The following ASAP1 variants were observed in gnomAD, a reference collection of about 807,000 sequenced individuals.
ASAP1 encodes ArfGAP with SH3 domain, ankyrin repeat and PH domain 1.
Under a neutral mutation model 145.2 loss-of-function variants are expected in ASAP1, and 43 were observed. The observed-to-expected ratio is 0.30, with a 90% CI of 0.23 to 0.38. The LOEUF (loss-of-function observed/expected upper bound fraction) is 0.38, where lower values mean the gene tolerates loss of function less well. Ranked by LOEUF, ASAP1 falls within the 10% of genes least tolerant of loss-of-function variation. The probability of loss-of-function intolerance (pLI) is 1.00; values close to 1 mark genes in which losing one functional copy is unlikely to be tolerated. For synonymous variants in ASAP1, 546 were observed against 515.5 expected (o/e 1.06, Z -0.80); for missense variants, 1,018 against 1,355.3 (o/e 0.75, Z 3.91).
At chr8:130,133,688 CAA>C (rs138495590) in intron 15 of ASAP1, among the ~76,000 whole-genome samples, 1 of 137,724 alleles carries the variant, frequency 7.3e-6, no homozygotes, top group Non-Finnish European at 1.6e-5. Context: ...AACAAACAAA[CAA>C]AAAAAAAAAC....
intron 3 of ASAP1, among the ~76,000 whole-genome samples, chr8:130,286,847 A>G (rs576841563): frequency 3.3e-4 from 50 of 152,370 alleles, no homozygotes; most frequent in South Asian, 6.2e-4. Context: ...ATGAGAAGCA[A>G]AAGTTCACAC....
At position 130,315,279 on chromosome 8, in the gene ASAP1, A is replaced by G. The variant is rs562498753; in HGVS notation, c.186+42738T>C. On this transcript the variant is annotated intron_variant, in intron 3 of 29. Transcript: ENST00000518721. ...ACAAAACCAAAAAAAGTCTATGAAT[A>G]CTCCACAAACTGGTACATTCTTTGT... Among the ~76,000 whole-genome samples, 4 of 152,254 alleles carry G rather than the reference A, an allele frequency of 2.6e-5. No homozygotes were observed. In the East Asian group the frequency reaches 7.7e-4, roughly 29 times the overall value.
chr8:130,189,136 A>C (rs1814960459), intron 5 of ASAP1, among the ~76,000 whole-genome samples: 1 of 152,122 alleles, frequency 6.6e-6, no homozygotes. Flanking sequence ...GGTTTCCATC[A>C]CCTCAAGCAT....
chr8:130,159,008 G>A (rs1001775698), intron 12 of ASAP1, among the ~76,000 whole-genome samples: 6 of 152,066 alleles, frequency 3.9e-5, no homozygotes, highest in African/African-American at 1.4e-4. Context: ...TGGGATTACA[G>A]GCGTGAGCCA....
intron 29 of ASAP1, among the ~76,000 whole-genome samples, chr8:130,056,962 C>T (rs1160676045): frequency 6.6e-6 from 1 of 152,214 alleles, no homozygotes; most frequent in Non-Finnish European, 1.5e-5. Flanking sequence ...CCTCGCAGGT[C>T]ACTCACAGCC....
chr8:130,140,419 G>A (rs4733770), intron 13 of ASAP1, among the ~76,000 whole-genome samples: 46,053 of 151,184 alleles, frequency 0.3, 7,698 homozygotes, highest in East Asian at 0.64. Flanking sequence ...TTATTATGTA[G>A]GTAAACATGT....
chr8:130,248,830 G>A (rs1819016702), intron 3 of ASAP1, among the ~76,000 whole-genome samples: 1 of 152,112 alleles, frequency 6.6e-6, no homozygotes, highest in Admixed American at 6.6e-5. Context: ...ATGGCACAAA[G>A]ATGTTCACCC....
chr8:130,078,050 C>T (rs779042007), intron 26 of ASAP1, among the ~76,000 whole-genome samples: 200 of 150,148 alleles, frequency 1.3e-3, no homozygotes, highest in Non-Finnish European at 1.8e-3. Context: ...AGTGCAGTGG[C>T]GTGATCTCGG....
intron 12 of ASAP1, among the ~76,000 whole-genome samples, chr8:130,158,304 G>A (rs1312885317): frequency 6.7e-6 from 1 of 150,160 alleles, no homozygotes; most frequent in Non-Finnish European, 1.5e-5. Context: ...GAGGCCAGGA[G>A]TTCAAGACCA....
rs1554834335 is a variant in ASAP1, at chr8:130,153,361, A to ATATG, written c.1011-557_1011-556insCATA. 3.1e-4 allele frequency among the ~76,000 whole-genome samples: 18 copies of ATATG among 57,752 alleles called. 1 individual carries two copies. In the South Asian group the frequency reaches 3.3e-3, roughly 11 times the overall value. 37.9% of individuals were successfully genotyped at this position (57,752 alleles called of 152,430 possible). The stretch of plus-strand genomic sequence containing the variant: ...TATATATATATATATATATATATGT[A>ATATG]TATATATATATATATATATATATTT... On this transcript the variant is annotated intron_variant, in intron 12 of 29. Transcript: ENST00000518721.
At chr8:130,320,706 C>G (rs1479275795) in intron 3 of ASAP1, among the ~76,000 whole-genome samples, 1 of 151,958 alleles carries the variant, frequency 6.6e-6, no homozygotes, top group Non-Finnish European at 1.5e-5. Context: ...AAGTATCATT[C>G]CTCTCTAGTA....
At chr8:130,310,028 T>C (rs1347752013) in intron 3 of ASAP1, among the ~76,000 whole-genome samples, 1 of 151,358 alleles carries the variant, frequency 6.6e-6, no homozygotes, top group Non-Finnish European at 1.5e-5. Context: ...GTTTCTATAG[T>C]AGAAATTCCC....
intron 15 of ASAP1, among the ~76,000 whole-genome samples, chr8:130,131,111 C>T (rs1408516104): frequency 1.3e-5 from 2 of 151,916 alleles, no homozygotes; most frequent in African/African-American, 2.4e-5. Flanking sequence ...GAGCCGAGAT[C>T]GCGCCACTGC....
At chr8:130,394,550 A>C (rs1177177692) in intron 2 of ASAP1, among the ~76,000 whole-genome samples, 1 of 152,064 alleles carries the variant, frequency 6.6e-6, no homozygotes, top group Non-Finnish European at 1.5e-5. Flanking sequence ...TTGCCTTGTG[A>C]TATTCTATTA....
At chr8:130,423,601 G>A (rs1039635791) in intron 1 of ASAP1, among the ~76,000 whole-genome samples, 1 of 152,196 alleles carries the variant, frequency 6.6e-6, no homozygotes, top group Non-Finnish European at 1.5e-5. Context: ...AAATGATCAT[G>A]TAAATCTATA....
chr8:130,167,370 G>C, intron 11 of ASAP1, 166 bp downstream of exon 11: 1 of 767,038 alleles, frequency 1.3e-6, no homozygotes, highest in Non-Finnish European at 2.4e-6. Context: ...TTTCCTATAA[G>C]CAAGGAAAAG....
intron 3 of ASAP1, among the ~76,000 whole-genome samples, chr8:130,240,249 T>G (rs1176931605): frequency 1.3e-5 from 2 of 152,118 alleles, no homozygotes; most frequent in Non-Finnish European, 2.9e-5. Context: ...CTTTTAAAGT[T>G]TATTGAAAGC....
At chr8:130,379,098 A>G (rs771843223) in intron 2 of ASAP1, among the ~76,000 whole-genome samples, 19 of 152,304 alleles carry the variant, frequency 1.2e-4, no homozygotes, top group Non-Finnish European at 2.2e-4. Flanking sequence ...CCAATGGTCA[A>G]TGATCTAATC....
chr8:130,223,372 C>T (rs192768030), intron 4 of ASAP1, among the ~76,000 whole-genome samples: 33 of 152,224 alleles, frequency 2.2e-4, no homozygotes, highest in African/African-American at 7.5e-4. Flanking sequence ...CAACTTCATA[C>T]GTGAAATGGG....
Sources: allele counts gnomAD v4.1 joint callset (sites outside exome capture counted in the v4.1 genomes callset), GRCh38; gene constraint gnomAD v4.1.1; transcripts MANE v1.5; gene names NCBI Gene and HGNC (gene_info 2026-07-23, HGNC 2026-07-21).